MAP3K21: variants seen among roughly 807,000 people sequenced by gnomAD.
The protein encoded by MAP3K21 is mitogen-activated protein kinase kinase kinase MLK4.
A neutral mutation model predicts 86.1 loss-of-function variants in MAP3K21; 63 were observed. The observed-to-expected ratio is 0.73, with a 90% confidence interval of 0.60 to 0.90. The LOEUF (loss-of-function observed/expected upper bound fraction) is 0.90, where lower values mean the gene tolerates loss of function less well. MAP3K21 is among the 40% of genes least tolerant of loss of function. The pLI is 0.00. For missense variants in MAP3K21, 1,220 were observed against 1,367.7 expected (o/e 0.89, Z 1.70); for synonymous variants, 558 against 564.8 (o/e 0.99, Z 0.17).
Position 233,345,573 on chromosome 1 carries a change from G to T in MAP3K21, c.806-869G>T, listed in dbSNP as rs138776384. On this transcript the variant is annotated intron_variant, in intron 1 of 9. Transcript: ENST00000366624. The stretch of plus-strand genomic sequence containing the variant: ...CAGGGTGGGGAACATCACAAACGGG[G>T]GCCTGTCATGGGATGGGGGGCAGGG... Among the ~76,000 whole-genome samples the T allele has an allele frequency of 3.8e-3, 572 of 150,916 alleles. 3 individuals are homozygous for T. The highest frequency in any genetic ancestry group is 0.012 in the African/African-American group (507 of 41,076).
intron 5 of MAP3K21, among the ~76,000 whole-genome samples, 168 bp downstream of exon 5, chr1:233,362,461 C>T (rs560120633): frequency 6.6e-6 from 1 of 152,230 alleles, no homozygotes; most frequent in African/African-American, 2.4e-5. Context: ...ATGTAATGGC[C>T]TAATGAGATT....
chr1:233,355,850 G>A (rs1663342802), intron 4 of MAP3K21, among the ~76,000 whole-genome samples: 1 of 152,102 alleles, frequency 6.6e-6, no homozygotes, highest in Non-Finnish European at 1.5e-5. Context: ...TCCTTACTGG[G>A]CACTCTCTGT....
At chr1:233,368,131 A>G (rs1663614183) in intron 5 of MAP3K21, among the ~76,000 whole-genome samples, 1 of 152,124 alleles carries the variant, frequency 6.6e-6, no homozygotes, top group Non-Finnish European at 1.5e-5. Flanking sequence ...TTCTTCTGTT[A>G]TTGACAGGAG....
At chr1:233,366,983 A>C (rs1558460541) in intron 5 of MAP3K21, among the ~76,000 whole-genome samples, 1 of 152,192 alleles carries the variant, frequency 6.6e-6, no homozygotes, top group African/African-American at 2.4e-5. Context: ...TTTTCTTGGA[A>C]TTTGCAAGAG....
rs780527886 is a variant in MAP3K21, at chr1:233,379,214, A to G, written c.2208A>G (p.Gly736=). The G allele has an allele frequency of 6.2e-7, 1 of 1,614,042 alleles. No individual in the cohort carries two copies. Among genetic ancestry groups the G allele is most frequent in the African/African-American group, 1.3e-5 (1 of 74,922 alleles). The change falls in exon 9 of 10, where the codon GGA becomes GGG. Residue 736 remains glycine (G), a synonymous_variant. Coordinates refer to ENST00000366624, the MANE Select transcript of MAP3K21 (RefSeq NM_032435.3). ...CTVLLASVAL[G]LDLRELHKAQ... Reference sequence around the variant, plus strand: ...TCCTTCTGGCATCGGTGGCTCTGGGACTGGACCTCAGAGAGCTTCATAAAG... The same window carrying G: ...TCCTTCTGGCATCGGTGGCTCTGGGGCTGGACCTCAGAGAGCTTCATAAAG...
At position 233,334,164 on chromosome 1, in the gene MAP3K21, C is replaced by CTT. The variant is rs60541029; in HGVS notation, c.805+5351_805+5352dup. 8.6e-3 allele frequency among the ~76,000 whole-genome samples: 1,178 copies of CTT among 136,806 alleles called. 23 individuals carry two copies. Among genetic ancestry groups the CTT allele is most frequent in the African/African-American group, 0.031 (1,119 of 36,092 alleles). 89.8% of individuals were successfully genotyped at this position (136,806 alleles called of 152,430 possible). A position where few individuals can be genotyped will look rare whatever the true frequency, so the allele number is the denominator to read the frequency against. ...ACAGGTGTGAGCCACCGTGCCTGGA[C>CTT]TTTTTTTTTTTTTTTTTTTTTAATA... is the stretch of plus-strand genomic sequence containing the variant. On this transcript the variant is annotated intron_variant, in intron 1 of 9. Transcript: ENST00000366624.
intron 2 of MAP3K21, among the ~76,000 whole-genome samples, chr1:233,353,563 G>A (rs1416674669): frequency 6.6e-6 from 1 of 152,164 alleles, no homozygotes; most frequent in Admixed American, 6.5e-5. Flanking sequence ...TATTCATGAA[G>A]TAGTTTTAAT....
intron 5 of MAP3K21, among the ~76,000 whole-genome samples, chr1:233,366,400 A>C (rs1285606800): frequency 6.6e-6 from 1 of 152,228 alleles, no homozygotes; most frequent in Non-Finnish European, 1.5e-5. Context: ...ACATATGCTA[A>C]TTACTCTGAC....
intron 1 of MAP3K21, among the ~76,000 whole-genome samples, chr1:233,338,272 GTAT>G (rs1316715560): frequency 1.3e-5 from 2 of 152,154 alleles, no homozygotes. Context: ...CTGTCTTCTT[GTAT>G]TTGGTATGCT....
chr1:233,334,457 A>C (rs1662875487), intron 1 of MAP3K21, among the ~76,000 whole-genome samples: 1 of 152,362 alleles, frequency 6.6e-6, no homozygotes, highest in African/African-American at 2.4e-5. Context: ...GAGATCTGTC[A>C]GAAGTCCTGT....
chr1:233,335,896 T>C (rs949551766), intron 1 of MAP3K21, among the ~76,000 whole-genome samples: 12 of 152,110 alleles, frequency 7.9e-5, no homozygotes, highest in African/African-American at 2.9e-4. Flanking sequence ...ACTTGTAGAG[T>C]TCACTTTAAT....
At chr1:233,345,914 C>T (rs1000577726) in intron 1 of MAP3K21, among the ~76,000 whole-genome samples, 3 of 152,056 alleles carry the variant, frequency 2.0e-5, no homozygotes, top group African/African-American at 7.2e-5. Flanking sequence ...ACTGTGTTTA[C>T]TTTTTGCTAC....
At chr1:233,371,940 T>A (rs1663692362) in intron 5 of MAP3K21, 98 bp from the exon 6 acceptor site, 1 of 1,220,342 alleles carries the variant, frequency 8.2e-7, no homozygotes, top group Admixed American at 2.4e-5. Flanking sequence ...GCAGTTAGGG[T>A]CTGACCATTT....
chr1:233,369,184 T>C (rs1663636999), intron 5 of MAP3K21, among the ~76,000 whole-genome samples: 1 of 131,604 alleles, frequency 7.6e-6, no homozygotes, highest in South Asian at 2.4e-4. Context: ...GAAACCAGCC[T>C]GGGCAACACG....
intron 1 of MAP3K21, among the ~76,000 whole-genome samples, chr1:233,341,582 T>G (rs1572241274): frequency 6.6e-6 from 1 of 152,202 alleles, no homozygotes. Flanking sequence ...GAACCAAGTC[T>G]GCTAATATCA....
At chr1:233,369,220 C>CAAAAAAAAAAAAAAAAAAAA (rs35461412) in intron 5 of MAP3K21, among the ~76,000 whole-genome samples, 1 of 105,638 alleles carries the variant, frequency 9.5e-6, no homozygotes. Flanking sequence ...TAGTAAAATA[C>CAAAAAAAAAAAAAAAAAAAA]AAAAAAAAAA....
Position 233,364,338 on chromosome 1 carries a change from A to G in MAP3K21, c.1552+2045A>G, listed in dbSNP as rs544806625. On this transcript the variant is annotated intron_variant, in intron 5 of 9. Transcript: ENST00000366624. Reference sequence around the variant, plus strand: ...AGAGGAAAGAAAAATCCAGAGGTGCACTAGATGTGAGTTTTCTTCTCCATT... The same window carrying G: ...AGAGGAAAGAAAAATCCAGAGGTGCGCTAGATGTGAGTTTTCTTCTCCATT... Among the ~76,000 whole-genome samples the G allele has an allele frequency of 3.3e-5, 5 of 152,258 alleles. No individual in the cohort carries two copies. The South Asian group carries it at 8.3e-4, about 25-fold the overall frequency.
At chr1:233,380,267 GCTCAGCCTGGCTC>G (rs1205973090) in intron 9 of MAP3K21, among the ~76,000 whole-genome samples, 1 of 152,206 alleles carries the variant, frequency 6.6e-6, no homozygotes, top group African/African-American at 2.4e-5. Flanking sequence ...TTCCTTCTGA[GCTCAGCCTGGCTC>G]CTTGACTTCT....
At position 233,327,918 on chromosome 1, in the gene MAP3K21, C is replaced by G. The variant is rs557890992; in HGVS notation, c.-111C>G. Reference sequence around the variant, plus strand: ...GCCGTCACCGATCGCGATTCCTACCCCCTCGCCTTCCCCCGGCGCCGACGG... The same window carrying G: ...GCCGTCACCGATCGCGATTCCTACCGCCTCGCCTTCCCCCGGCGCCGACGG... On this transcript the variant is annotated 5_prime_UTR_variant, in exon 1 of 10. Coordinates refer to ENST00000366624, the MANE Select transcript of MAP3K21 (RefSeq NM_032435.3). The G allele has an allele frequency of 2.4e-6, 2 of 828,148 alleles. No homozygotes were observed. Among genetic ancestry groups the G allele is most frequent in the Admixed American group, 4.5e-5 (1 of 22,312 alleles). The allele number at this position is 828,148 out of a possible 1,614,324, so 51.3% of individuals were successfully genotyped here. A position where few individuals can be genotyped will look rare whatever the true frequency, so the allele number is the denominator to read the frequency against.
Sources: gnomAD v4.1 joint callset for allele counts (sites outside exome capture counted in the v4.1 genomes callset) on GRCh38, gnomAD v4.1.1 for gene constraint, MANE v1.5 for transcripts, NCBI Gene and HGNC (gene_info 2026-07-23, HGNC 2026-07-21) for gene names.